Variants in SHANK2 observed in about 807,000 individuals in gnomAD.
SHANK2 encodes SH3 and multiple ankyrin repeat domains 2.
SHANK2 carries 43 observed loss-of-function variants against 133.7 expected under a neutral mutation model. The ratio of observed to expected loss-of-function variants is 0.32; its 90% CI spans 0.25 to 0.41. The LOEUF is 0.41. SHANK2 is among the 10% of genes least tolerant of loss of function. The pLI is 1.00. For missense variants in SHANK2, 1,994 were observed against 2,235.8 expected, an observed-to-expected ratio of 0.89 and a Z score of 2.18; for synonymous variants, 1,017 against 952.8, an observed-to-expected ratio of 1.07 and a Z score of -1.24.
intron 17 of SHANK2, among the ~76,000 whole-genome samples, chr11:70,570,241 C>A (rs1554982807): frequency 6.6e-6 from 1 of 152,208 alleles, no homozygotes; most frequent in African/African-American, 2.4e-5. Flanking sequence ...TGAAGCCCTT[C>A]CCTCTTTTAG....
intron 2 of SHANK2, among the ~76,000 whole-genome samples, chr11:71,155,112 G>A (rs1479695202): frequency 2.7e-4 from 17 of 62,166 alleles, no homozygotes; most frequent in East Asian, 5.5e-4. Flanking sequence ...CCACGCTCCC[G>A]GAGGAGGGGT....
At chr11:70,653,354 T>C (rs778891002) in intron 17 of SHANK2, among the ~76,000 whole-genome samples, 5 of 152,146 alleles carry the variant, frequency 3.3e-5, no homozygotes, top group Admixed American at 6.5e-5. Context: ...CTCTAACAAC[T>C]GTTCTTCACA....
At chr11:71,219,114 G>C (rs919223532) in intron 2 of SHANK2, among the ~76,000 whole-genome samples, 8 of 152,198 alleles carry the variant, frequency 5.3e-5, no homozygotes, top group South Asian at 2.1e-4. Context: ...GATGAGGAGA[G>C]AGCATTTCTC....
chr11:71,167,276 A>C (rs1163483412), intron 2 of SHANK2, among the ~76,000 whole-genome samples: 17 of 152,040 alleles, frequency 1.1e-4, no homozygotes, highest in Non-Finnish European at 2.2e-4. Context: ...CATTGTCATC[A>C]TGGCCCATTC....
intron 17 of SHANK2, among the ~76,000 whole-genome samples, chr11:70,582,344 C>T (rs1329690563): frequency 2.0e-5 from 3 of 152,204 alleles, no homozygotes; most frequent in East Asian, 1.9e-4. Context: ...CCGCCAGCCC[C>T]GGCCGGATCC....
intron 11 of SHANK2, among the ~76,000 whole-genome samples, chr11:70,836,385 T>G: frequency 6.6e-6 from 1 of 152,120 alleles, no homozygotes; most frequent in East Asian, 1.9e-4. Flanking sequence ...AGCCTGCAAG[T>G]TGGAGAAAGG....
At chr11:70,616,328 G>A (rs557166226) in intron 17 of SHANK2, among the ~76,000 whole-genome samples, 61 of 152,160 alleles carry the variant, frequency 4.0e-4, no homozygotes, top group Non-Finnish European at 4.1e-4. Flanking sequence ...CTGGGCTGTC[G>A]GAACTGGCTC....
chr11:71,187,317 G>A (rs868928500), intron 2 of SHANK2, among the ~76,000 whole-genome samples: 4 of 152,146 alleles, frequency 2.6e-5, no homozygotes, highest in Middle Eastern at 3.4e-3. Context: ...TTTATTCAGG[G>A]ACAGTTCTTC....
intron 17 of SHANK2, among the ~76,000 whole-genome samples, chr11:70,575,306 G>T (rs1407867291): frequency 6.6e-6 from 1 of 152,166 alleles, no homozygotes; most frequent in Non-Finnish European, 1.5e-5. Flanking sequence ...GAGGTCAGGA[G>T]ATTGAGACCA....
At chr11:70,477,284 G>C (rs1555150344) in intron 25 of SHANK2, 1 of 152,212 alleles carries the variant, frequency 6.6e-6, no homozygotes, top group Non-Finnish European at 1.5e-5. Context: ...GCTGCTTTTC[G>C]ACAGATGAAA....
chr11:70,879,550 C>G (rs1205779220), intron 11 of SHANK2, among the ~76,000 whole-genome samples: 1 of 152,204 alleles, frequency 6.6e-6, no homozygotes, highest in Non-Finnish European at 1.5e-5. Context: ...GGATTGGAAC[C>G]CTCGTCCCTC....
At chr11:70,843,750 T>A (rs1410627124) in intron 11 of SHANK2, among the ~76,000 whole-genome samples, 1 of 151,992 alleles carries the variant, frequency 6.6e-6, no homozygotes, top group South Asian at 2.1e-4. Context: ...TGCAGGGCTC[T>A]CTGCACACGG....
rs1195704886 is a variant in SHANK2, at chr11:70,746,945, C to G, written c.1778-48182G>C. On this transcript the variant is annotated intron_variant, in intron 14 of 25. Coordinates refer to ENST00000601538, the MANE Select transcript of SHANK2 (RefSeq NM_012309.5). ...TCCACCGCTGTACTCCCCTTTACCC[C>G]TCCACCCCCCTCCCTCCACCCCAGC... 4.7e-5 allele frequency among the ~76,000 whole-genome samples: 7 copies of G among 147,862 alleles called. No individual in the cohort carries two copies. The East Asian group carries it at 1.4e-3, about 30-fold the overall frequency.
In SHANK2 at chr11:70,739,302, CCATCTCCACA is replaced by C. The variant is rs553522423; in HGVS notation, c.1778-40549_1778-40540del. On this transcript the variant is annotated intron_variant, in intron 14 of 25. Transcript: ENST00000601538. The surrounding 1 kb of genome is among the most constrained non-coding windows in gnomAD (Gnocchi z 4.3). ...TCCACCCATCTCCACTCATCTCCAC[CCATCTCCACA>C]CATCTCCACACATCTCCACCTCCCC... Among the ~76,000 whole-genome samples, 247 of 152,288 alleles carry C rather than the reference CCATCTCCACA, an allele frequency of 1.6e-3. 2 individuals are homozygous for C. The highest frequency in any genetic ancestry group is 9.3e-3 in the Admixed American group (143 of 15,306).
intron 11 of SHANK2, among the ~76,000 whole-genome samples, chr11:70,877,507 T>C (rs952511666): frequency 6.6e-6 from 1 of 152,176 alleles, no homozygotes; most frequent in African/African-American, 2.4e-5. Context: ...GCTCCTGCCC[T>C]CCCCACCAGC....
intron 12 of SHANK2, among the ~76,000 whole-genome samples, chr11:70,813,270 G>T (rs1291427453): frequency 2.0e-5 from 3 of 152,140 alleles, no homozygotes; most frequent in South Asian, 2.1e-4. Flanking sequence ...TACAAGAGGG[G>T]ACAGCTGGGT....
chr11:70,790,860 A>C (rs945773398), intron 14 of SHANK2, among the ~76,000 whole-genome samples: 1 of 152,218 alleles, frequency 6.6e-6, no homozygotes, highest in East Asian at 1.9e-4. Context: ...TGTGTCCCTG[A>C]TGTGCCAGAG....
At chr11:71,199,492 G>C (rs1012309924) in intron 2 of SHANK2, among the ~76,000 whole-genome samples, 1 of 152,226 alleles carries the variant, frequency 6.6e-6, no homozygotes, top group South Asian at 2.1e-4. Flanking sequence ...CACGCCCCAG[G>C]AAGAGGCACT....
At chr11:70,782,970 G>T (rs1472809096) in intron 14 of SHANK2, among the ~76,000 whole-genome samples, 1 of 152,178 alleles carries the variant, frequency 6.6e-6, no homozygotes, top group African/African-American at 2.4e-5. Flanking sequence ...GGACTTTGGG[G>T]TGTGATTGGG....
Sources: gnomAD v4.1 joint callset for allele counts (sites outside exome capture counted in the v4.1 genomes callset) on GRCh38, gnomAD v4.1.1 for gene constraint, Gnocchi (gnomAD v3.1) non-coding constraint, MANE v1.5 for transcripts, NCBI Gene and HGNC (gene_info 2026-07-23, HGNC 2026-07-21) for gene names.